Variants in WWOX observed in about 807,000 individuals in gnomAD.
WWOX encodes the protein WW domain-containing oxidoreductase.
In WWOX, 69 loss-of-function variants were observed where a neutral mutation model predicts 46.2. That is an observed-to-expected ratio of 1.49 (90% CI 1.23 to 1.82). The LOEUF (loss-of-function observed/expected upper bound fraction) is 1.82, where lower values mean the gene tolerates loss of function less well. WWOX is among the 40% of genes most tolerant of loss of function. The pLI, the probability that WWOX is intolerant of heterozygous loss-of-function variation, is 0.00. For missense variants in WWOX, 919 were observed against 542.6 expected (o/e 1.69, Z -6.89); for synonymous variants, 359 against 202.6 (o/e 1.77, Z -6.56).
intron 8 of WWOX, among the ~76,000 whole-genome samples, chr16:78,840,634 C>G (rs1347303401): frequency 6.6e-6 from 1 of 152,022 alleles, no homozygotes; most frequent in African/African-American, 2.4e-5. Flanking sequence ...CCTCATAAAT[C>G]ACCGAGGGAT....
At chr16:78,951,578 G>A (rs1460943928) in intron 8 of WWOX, among the ~76,000 whole-genome samples, 3 of 152,160 alleles carry the variant, frequency 2.0e-5, no homozygotes, top group Non-Finnish European at 4.4e-5. Flanking sequence ...AAACAACAGG[G>A]CTTCATCACA....
intron 5 of WWOX, among the ~76,000 whole-genome samples, chr16:78,234,592 T>A (rs2037377098): frequency 6.6e-6 from 1 of 152,164 alleles, no homozygotes; most frequent in Non-Finnish European, 1.5e-5. Context: ...ACTCCTAGAC[T>A]TGAATAAGGT....
intron 5 of WWOX, among the ~76,000 whole-genome samples, chr16:78,261,772 GTATCTATCTATCTATCTATATATATATAT>G (rs2079240575): frequency 7.7e-6 from 1 of 129,992 alleles, no homozygotes; most frequent in Non-Finnish European, 1.6e-5. Flanking sequence ...ATCTATCTAT[GTATCTATCTATCTATCTATATATATATAT>G]ATATATATAT....
At chr16:78,656,308 C>T (rs1029238963) in intron 8 of WWOX, among the ~76,000 whole-genome samples, 2 of 152,072 alleles carry the variant, frequency 1.3e-5, no homozygotes, top group Non-Finnish European at 2.9e-5. Context: ...CATGCATGTC[C>T]TTTCTCTGTC....
At chr16:78,482,076 C>G (rs950586627) in intron 8 of WWOX, among the ~76,000 whole-genome samples, 5 of 152,050 alleles carry the variant, frequency 3.3e-5, no homozygotes, top group Non-Finnish European at 5.9e-5. Flanking sequence ...ATGGTCCCAC[C>G]TATTCTGGGG....
At chr16:78,589,971 G>C (rs11648397) in intron 8 of WWOX, among the ~76,000 whole-genome samples, 21,238 of 152,076 alleles carry the variant, frequency 0.14, 2,125 homozygotes, top group African/African-American at 0.28. Context: ...TTATCTTCTA[G>C]TTTACCTGAA....
chr16:79,140,856 T>C (rs566876567), intron 8 of WWOX, among the ~76,000 whole-genome samples: 42 of 152,172 alleles, frequency 2.8e-4, no homozygotes, highest in African/African-American at 1.0e-3. Context: ...TCAAACAGTT[T>C]CCGTACGTCA....
chr16:79,011,244 C>G (rs1356165198), intron 8 of WWOX, among the ~76,000 whole-genome samples: 1 of 151,196 alleles, frequency 6.6e-6, no homozygotes, highest in Non-Finnish European at 1.5e-5. Flanking sequence ...CAGGCATCTT[C>G]TGAGAATAAG....
chr16:78,959,863 T>C (rs955173925), intron 8 of WWOX, among the ~76,000 whole-genome samples: 3 of 152,214 alleles, frequency 2.0e-5, no homozygotes, highest in Non-Finnish European at 4.4e-5. Context: ...GGTTTTCTTC[T>C]GGAGAGTCTG....
At chr16:78,597,623 G>T (rs902559595) in intron 8 of WWOX, among the ~76,000 whole-genome samples, 3 of 151,944 alleles carry the variant, frequency 2.0e-5, no homozygotes, top group Admixed American at 6.6e-5. Context: ...GTTTAAAATT[G>T]TTTTTTTCTC....
intron 5 of WWOX, among the ~76,000 whole-genome samples, chr16:78,249,188 G>A (rs2037912782): frequency 6.6e-6 from 1 of 152,158 alleles, no homozygotes; most frequent in Non-Finnish European, 1.5e-5. Context: ...GGCATGGAAT[G>A]GTTAAATGTC....
At chr16:78,907,564 C>T (rs1289944408) in intron 8 of WWOX, among the ~76,000 whole-genome samples, 1 of 152,128 alleles carries the variant, frequency 6.6e-6, no homozygotes, top group Non-Finnish European at 1.5e-5. Flanking sequence ...GGCCCAAGCC[C>T]AGGAATGACT....
At chr16:78,637,306 G>C (rs1400608666) in intron 8 of WWOX, among the ~76,000 whole-genome samples, 2 of 152,026 alleles carry the variant, frequency 1.3e-5, no homozygotes, top group East Asian at 1.9e-4. Flanking sequence ...GCTGGGCATG[G>C]TGGTGGGGAC....
Position 78,811,048 on chromosome 16 carries a change from G to A in WWOX, c.1056+378296G>A, listed in dbSNP as rs79481458. ...ACTGTATTTCAGAGGTTTATAAAGGGAAGGGACAGGAAAGCAGTGTGCCAG... is the reference window on the plus strand; with the variant it reads ...ACTGTATTTCAGAGGTTTATAAAGGAAAGGGACAGGAAAGCAGTGTGCCAG... On this transcript the variant is annotated intron_variant, in intron 8 of 8. Transcript: ENST00000566780. 3.0e-3 allele frequency among the ~76,000 whole-genome samples: 464 copies of A among 152,318 alleles called. 1 individual carries two copies. Among genetic ancestry groups the A allele is most frequent in the African/African-American group, 0.011 (439 of 41,576 alleles).
chr16:78,762,064 C>T (rs1003305582), intron 8 of WWOX, among the ~76,000 whole-genome samples: 4 of 152,210 alleles, frequency 2.6e-5, no homozygotes, highest in African/African-American at 4.8e-5. Context: ...CAACTCTGTG[C>T]TGGCCTTTTC....
chr16:78,768,619 C>G (rs1048254372), intron 8 of WWOX, among the ~76,000 whole-genome samples: 9 of 151,092 alleles, frequency 6.0e-5, no homozygotes, highest in African/African-American at 2.2e-4. Flanking sequence ...GGCTTTGGAG[C>G]TTCCTAATTT....
intron 8 of WWOX, among the ~76,000 whole-genome samples, chr16:78,817,977 A>G (rs1044890261): frequency 1.3e-5 from 2 of 152,190 alleles, no homozygotes; most frequent in Non-Finnish European, 2.9e-5. Flanking sequence ...CACCTATGGA[A>G]GGGAAGAAAA....
At chr16:78,961,567 G>A (rs2046271702) in intron 8 of WWOX, among the ~76,000 whole-genome samples, 1 of 151,954 alleles carries the variant, frequency 6.6e-6, no homozygotes, top group Admixed American at 6.6e-5. Context: ...TGGGTTGGTG[G>A]GTGCATGGAT....
intron 8 of WWOX, among the ~76,000 whole-genome samples, chr16:78,849,331 G>C (rs2052380799): frequency 1.3e-5 from 2 of 152,030 alleles, no homozygotes; most frequent in Admixed American, 6.6e-5. Flanking sequence ...AGCACTTTGG[G>C]AGGCCGAGGC....
Sources: allele counts gnomAD v4.1 joint callset (sites outside exome capture counted in the v4.1 genomes callset), GRCh38; gene constraint gnomAD v4.1.1; transcripts MANE v1.5; gene names NCBI Gene and HGNC (gene_info 2026-07-23, HGNC 2026-07-21).